ARHGAP29: variants seen among roughly 807,000 people sequenced by gnomAD.
The protein encoded by ARHGAP29 is rho GTPase-activating protein 29.
ARHGAP29 carries 43 observed loss-of-function variants against 122.6 expected under a neutral mutation model. The observed-to-expected ratio is 0.35, with a 90% CI of 0.27 to 0.45. The LOEUF (loss-of-function observed/expected upper bound fraction) is 0.45, where lower values mean the gene tolerates loss of function less well. ARHGAP29 is among the 20% of genes least tolerant of loss of function. The pLI, the probability that ARHGAP29 is intolerant of heterozygous loss-of-function variation, is 1.00. For missense variants in ARHGAP29, 1,303 were observed against 1,477.2 expected, an observed-to-expected ratio of 0.88 and a Z score of 1.93; for synonymous variants, 506 against 497.1, an observed-to-expected ratio of 1.02 and a Z score of -0.24.
At chr1:94,262,254 A>G (rs1189846513) in intron 1 of ARHGAP29, among the ~76,000 whole-genome samples, 2 of 152,190 alleles carry the variant, frequency 1.3e-5, no homozygotes, top group African/African-American at 2.4e-5. Flanking sequence ...ACAAAAATCA[A>G]CTAAGGATGG....
At chr1:94,184,071 GC>G in intron 19 of ARHGAP29, 79 bp downstream of exon 19, 5 of 1,475,022 alleles carry the variant, frequency 3.4e-6, no homozygotes, top group Non-Finnish European at 4.7e-6. Flanking sequence ...AACATGTGTA[GC>G]AAATGTTATC....
At chr1:94,225,398 G>C (rs1307973516) in intron 2 of ARHGAP29, among the ~76,000 whole-genome samples, 1 of 151,960 alleles carries the variant, frequency 6.6e-6, no homozygotes, top group Admixed American at 6.5e-5. Flanking sequence ...TATCAAATAA[G>C]TAGAAATAAA....
At chr1:94,199,779 C>T (rs114091452) in intron 12 of ARHGAP29, among the ~76,000 whole-genome samples, 2 of 152,188 alleles carry the variant, frequency 1.3e-5, no homozygotes, top group South Asian at 2.1e-4. Context: ...TCCCTACTTA[C>T]GCTTGCCAAA....
intron 1 of ARHGAP29, among the ~76,000 whole-genome samples, chr1:94,234,460 T>C (rs1194963110): frequency 2.0e-5 from 3 of 152,162 alleles, no homozygotes; most frequent in East Asian, 3.8e-4. Context: ...GAAATCAAAG[T>C]TGGATTTCTA....
chr1:94,255,818 G>A (rs745725386), intron 1 of ARHGAP29, among the ~76,000 whole-genome samples: 2 of 152,246 alleles, frequency 1.3e-5, no homozygotes, highest in Non-Finnish European at 2.9e-5. Flanking sequence ...ATCTAAGAGA[G>A]GAAGAGTTAG....
chr1:94,234,100 G>T (rs914171865), intron 1 of ARHGAP29, among the ~76,000 whole-genome samples: 1 of 152,188 alleles, frequency 6.6e-6, no homozygotes. Flanking sequence ...CCTGTGAGAT[G>T]TTCCATAGTA....
At chr1:94,179,307 TAAGA>T (rs1294392611) in intron 20 of ARHGAP29, among the ~76,000 whole-genome samples, 1 of 151,974 alleles carries the variant, frequency 6.6e-6, no homozygotes, top group Non-Finnish European at 1.5e-5. Flanking sequence ...TAAGAATGGC[TAAGA>T]AGTGCCAGGC....
intron 1 of ARHGAP29, among the ~76,000 whole-genome samples, chr1:94,258,594 G>A (rs2100709867): frequency 6.6e-6 from 1 of 152,312 alleles, no homozygotes; most frequent in African/African-American, 2.4e-5. Context: ...TCTGCTTTAG[G>A]CAGTTCCAGT....
intron 20 of ARHGAP29, among the ~76,000 whole-genome samples, chr1:94,179,207 T>A (rs188517730): frequency 9.8e-5 from 15 of 152,320 alleles, no homozygotes; most frequent in Non-Finnish European, 2.1e-4. Context: ...TGTACATATA[T>A]CTTCAATGTC....
chr1:94,280,875 T>C, the ARHGAP29 span, among the ~76,000 whole-genome samples: 3 of 152,024 alleles, frequency 2.0e-5, no homozygotes, highest in African/African-American at 4.8e-5. Context: ...TAGGATGGAG[T>C]TGTCAAATGA....
intron 1 of ARHGAP29, among the ~76,000 whole-genome samples, chr1:94,273,328 T>C (rs1655062797): frequency 6.6e-6 from 1 of 152,254 alleles, no homozygotes; most frequent in African/African-American, 2.4e-5. Context: ...GACGTTTTTC[T>C]GATTAAAGGG....
intron 3 of ARHGAP29, among the ~76,000 whole-genome samples, chr1:94,211,365 A>G (rs531868085): frequency 1.3e-5 from 2 of 151,992 alleles, no homozygotes; most frequent in South Asian, 2.1e-4. Context: ...GCTTTAAAAT[A>G]CTGAAAAACT....
intron 10 of ARHGAP29, 51 bp from the exon 11 acceptor site, chr1:94,202,783 C>T: frequency 1.3e-6 from 2 of 1,582,696 alleles, no homozygotes; most frequent in Non-Finnish European, 1.7e-6. Context: ...TCCTACTGAA[C>T]AAGTGTCTTT....
At chr1:94,181,016 A>C (rs1299793590) in intron 19 of ARHGAP29, among the ~76,000 whole-genome samples, 1 of 152,230 alleles carries the variant, frequency 6.6e-6, no homozygotes, top group Non-Finnish European at 1.5e-5. Flanking sequence ...TAACATGGTA[A>C]ATCCAACAAT....
intron 15 of ARHGAP29, among the ~76,000 whole-genome samples, chr1:94,187,829 AT>A (rs1242717480): frequency 2.6e-5 from 4 of 152,150 alleles, no homozygotes; most frequent in Non-Finnish European, 4.4e-5. Flanking sequence ...TTAGGCTCAC[AT>A]TTCCAGAATG....
At chr1:94,256,992 A>C (rs1654384350) in intron 1 of ARHGAP29, among the ~76,000 whole-genome samples, 1 of 152,158 alleles carries the variant, frequency 6.6e-6, no homozygotes, top group African/African-American at 2.4e-5. Flanking sequence ...CTTAGAAGCA[A>C]ACTTTTTAAA....
chr1:94,292,037 T>C, the ARHGAP29 span, among the ~76,000 whole-genome samples: 1 of 152,232 alleles, frequency 6.6e-6, no homozygotes, highest in Admixed American at 6.5e-5. Flanking sequence ...GATAATATCC[T>C]GAAGAGTGTT....
rs766258754 is a variant in ARHGAP29, at chr1:94,220,333, T to C, written c.265A>G (p.Ile89Val). ...LEELLRVLKS[I>V]MNKHQNLNSV... ...TTGAGGTTCTGATGTTTATTCATTA[T>C]AGACTTTAAAACACGGAGCAGTTCC... Residue 89 changes from isoleucine (I) to valine (V), a missense_variant, in exon 3 of 23, where the codon ATA becomes GTA. Transcript: ENST00000260526. 7.4e-6 allele frequency: 12 copies of C among 1,613,130 alleles called. No individual in the cohort carries two copies. The highest frequency in any genetic ancestry group is 2.7e-5 in the African/African-American group (2 of 74,900).
intron 18 of ARHGAP29, 26 bp from the exon 19 acceptor site, chr1:94,184,314 G>T (rs762408417): frequency 6.4e-7 from 1 of 1,572,880 alleles, no homozygotes; most frequent in South Asian, 1.2e-5. Flanking sequence ...AAAAAATTTT[G>T]CAAAATTCTT....
Sources: gnomAD v4.1 joint callset for allele counts (sites outside exome capture counted in the v4.1 genomes callset) on GRCh38, gnomAD v4.1.1 for gene constraint, MANE v1.5 for transcripts, NCBI Gene and HGNC (gene_info 2026-07-23, HGNC 2026-07-21) for gene names.